Variants in CASP5 observed in about 807,000 individuals in gnomAD.
CASP5 encodes caspase-5.
CASP5 carries 42 observed loss-of-function variants against 45.2 expected under a neutral mutation model. That is an observed-to-expected ratio of 0.93 (90% confidence interval 0.73 to 1.20). CASP5 has a LOEUF of 1.20. CASP5 is among the 50% of genes most tolerant of loss of function. The pLI is 0.00. For synonymous variants in CASP5, 209 were observed against 186.2 expected (o/e 1.12, Z -1.00); for missense variants, 512 against 532.2 (o/e 0.96, Z 0.37).
intron 1 of CASP5, among the ~76,000 whole-genome samples, chr11:105,013,047 G>T (rs1812339345): frequency 6.6e-6 from 1 of 151,958 alleles, no homozygotes; most frequent in Non-Finnish European, 1.5e-5. Context: ...TGGATGAATG[G>T]ATGGAGAAAG....
intron 7 of CASP5, 72 bp from the exon 8 acceptor site, chr11:104,997,564 C>T: frequency 1.1e-6 from 1 of 880,794 alleles, no homozygotes; most frequent in South Asian, 1.5e-5. Flanking sequence ...TTTGTTTTTG[C>T]ATAGCTTGAG....
intron 1 of CASP5, among the ~76,000 whole-genome samples, chr11:105,017,338 T>C (rs1027219296): frequency 6.6e-6 from 1 of 152,148 alleles, no homozygotes; most frequent in African/African-American, 2.4e-5. Flanking sequence ...AGAAGAAGGC[T>C]TCAGATGATC....
At chr11:105,003,592 G>A (rs945573609) in intron 3 of CASP5, among the ~76,000 whole-genome samples, 12 of 151,860 alleles carry the variant, frequency 7.9e-5, no homozygotes, top group African/African-American at 2.9e-4. Flanking sequence ...CCACCAAGAA[G>A]AAGATGCAAC....
At chr11:105,017,914 A>G (rs1591178523) in intron 1 of CASP5, among the ~76,000 whole-genome samples, 2 of 151,972 alleles carry the variant, frequency 1.3e-5, no homozygotes, top group Non-Finnish European at 2.9e-5. Context: ...GAGAAAGGTC[A>G]GGTTACCCTC....
chr11:105,005,285 A>C (rs1025836687), intron 3 of CASP5, among the ~76,000 whole-genome samples: 1 of 151,952 alleles, frequency 6.6e-6, no homozygotes, highest in Non-Finnish European at 1.5e-5. Context: ...GCAATTTCCC[A>C]CAGCACATAG....
Position 105,008,908 on chromosome 11 carries a change from T to C in CASP5, c.80A>G (p.Asp27Gly). The C allele has an allele frequency of 6.2e-7, 1 of 1,613,118 alleles. No individual in the cohort carries two copies. The highest frequency in any genetic ancestry group is 8.5e-7 in the Non-Finnish European group (1 of 1,179,338). The change falls in exon 2 of 10, where the codon GAT becomes GGT. Residue 27 changes from aspartate to glycine, a missense_variant. By Grantham distance (94) the Asp-to-Gly change is moderately conservative. Coordinates refer to ENST00000260315, the MANE Select transcript of CASP5 (RefSeq NM_004347.5). ...MFKGILQSGL[D>G]NFVINHMLKN... ...TAGCATGTGGTTTATCACGAAGTTA[T>C]CCAATCCACTCTGAAGGATACCTTT...
intron 1 of CASP5, among the ~76,000 whole-genome samples, chr11:105,016,500 C>T (rs575819696): frequency 4.9e-4 from 74 of 152,208 alleles, no homozygotes; most frequent in African/African-American, 1.5e-3. Flanking sequence ...ACTCGGGAAG[C>T]GCAAGGGGTC....
intron 2 of CASP5, among the ~76,000 whole-genome samples, 167 bp downstream of exon 2, chr11:105,008,640 C>T (rs1015918288): frequency 3.9e-5 from 6 of 151,956 alleles, no homozygotes; most frequent in Non-Finnish European, 8.8e-5. Context: ...TGGATCCCAC[C>T]CCACAAAAGA....
rs778512208 is a variant in CASP5, at chr11:105,002,019, G to T, written c.717+9C>A. 3.0e-5 allele frequency: 48 copies of T among 1,613,266 alleles called. 1 individual carries two copies. In the East Asian group the frequency reaches 1.0e-3, roughly 34 times the overall value. ...ATGGATGAGTGTGAGATGGCTTAGG[G>T]GTTCTTACCCTGGCTGTGAGATTCT... On this transcript the variant is annotated intron_variant, in intron 5 of 9. Coordinates refer to ENST00000260315, the MANE Select transcript of CASP5 (RefSeq NM_004347.5).
intron 1 of CASP5, among the ~76,000 whole-genome samples, chr11:105,014,167 T>C (rs897800274): frequency 1.3e-5 from 2 of 152,278 alleles, no homozygotes; most frequent in East Asian, 3.9e-4. Context: ...TCTGATACTG[T>C]CCCCACCTTG....
intron 6 of CASP5, among the ~76,000 whole-genome samples, chr11:104,999,799 C>T (rs752680066): frequency 2.6e-5 from 4 of 152,186 alleles, no homozygotes; most frequent in African/African-American, 7.2e-5. Flanking sequence ...AGAAGATTGA[C>T]TTAAATCCCC....
At chr11:105,014,900 C>T (rs755313970) in intron 1 of CASP5, among the ~76,000 whole-genome samples, 3 of 152,118 alleles carry the variant, frequency 2.0e-5, no homozygotes, top group South Asian at 2.1e-4. Context: ...GATAGCTGTC[C>T]AGAGAAGGGA....
At position 105,003,292 on chromosome 11, in the gene CASP5, A is replaced by G; in HGVS notation, c.525T>C (p.Cys175=). Reference sequence around the variant, plus strand: ...ACAGCACCTCATCATGATTTTTTTTACACAGTCTCAGGAATTCTTCACGAG... The same window carrying G: ...ACAGCACCTCATCATGATTTTTTTTGCACAGTCTCAGGAATTCTTCACGAG... ...LCPREEFLRL[C]KKNHDEIYPI... is the part of the protein sequence containing the mutation. Residue 175 remains cysteine, a synonymous_variant, in exon 4 of 10, where the codon TGT becomes TGC. Transcript: ENST00000260315. 1 of 1,599,540 alleles carries G rather than the reference A, an allele frequency of 6.3e-7. No individual in the cohort carries two copies. Among genetic ancestry groups the G allele is most frequent in the East Asian group, 2.2e-5 (1 of 44,562 alleles).
At chr11:105,001,921 C>T (rs1052510439) in intron 5 of CASP5, 107 bp downstream of exon 5, 13 of 1,098,142 alleles carry the variant, frequency 1.2e-5, no homozygotes, top group African/African-American at 4.7e-5. Context: ...CACACGCACA[C>T]GAACCCAGAG....
At chr11:105,009,740 TATATATATATATATATATACACACAC>T (rs1862190719) in intron 1 of CASP5, among the ~76,000 whole-genome samples, 8 of 73,208 alleles carry the variant, frequency 1.1e-4, no homozygotes, top group African/African-American at 4.6e-4. Flanking sequence ...TATATATATA[TATATATATATATATATATACACACAC>T]ACACGTATAT....
chr11:105,011,900 A>G (rs1284866306), intron 1 of CASP5, among the ~76,000 whole-genome samples: 1 of 151,792 alleles, frequency 6.6e-6, no homozygotes, highest in Non-Finnish European at 1.5e-5. Context: ...ATTCCTATTA[A>G]GCCTCCAATG....
intron 3 of CASP5, 104 bp downstream of exon 3, chr11:105,006,979 T>C: frequency 1.0e-6 from 1 of 981,748 alleles, no homozygotes; most frequent in Non-Finnish European, 1.5e-6. Flanking sequence ...AATGAGAGTT[T>C]AGAAATGAAA....
chr11:105,018,746 C>T (rs1043717218), intron 1 of CASP5, among the ~76,000 whole-genome samples: 9 of 144,388 alleles, frequency 6.2e-5, no homozygotes, highest in Admixed American at 2.9e-4. Flanking sequence ...GACAGATCAG[C>T]GAGACAGAAA....
intron 1 of CASP5, among the ~76,000 whole-genome samples, chr11:105,016,238 G>C (rs1238429847): frequency 6.6e-6 from 1 of 152,208 alleles, no homozygotes; most frequent in Non-Finnish European, 1.5e-5. Flanking sequence ...GTCTGTTAAA[G>C]ATTGAGCTAT....
Sources: gnomAD v4.1 joint callset for allele counts (sites outside exome capture counted in the v4.1 genomes callset) on GRCh38, gnomAD v4.1.1 for gene constraint, MANE v1.5 for transcripts, NCBI Gene and HGNC (gene_info 2026-07-23, HGNC 2026-07-21) for gene names.